The following SDK1 variants were observed in gnomAD, a reference collection of about 807,000 sequenced individuals.
SDK1 encodes protein sidekick-1.
Under a neutral mutation model 245.5 loss-of-function variants are expected in SDK1, and 157 were observed. The ratio of observed to expected loss-of-function variants is 0.64; its 90% confidence interval spans 0.56 to 0.73. The LOEUF is 0.73. Among genes scored for constraint, SDK1 ranks in the 30% least tolerant of loss-of-function variants. The pLI is 0.00. For synonymous variants in SDK1, 1,647 were observed against 1,278.5 expected, an observed-to-expected ratio of 1.29 and a Z score of -6.15; for missense variants, 3,583 against 3,002.3, an observed-to-expected ratio of 1.19 and a Z score of -4.52.
At chr7:3,500,459 A>C (rs1782161745) in intron 1 of SDK1, among the ~76,000 whole-genome samples, 1 of 152,178 alleles carries the variant, frequency 6.6e-6, no homozygotes, top group South Asian at 2.1e-4. Flanking sequence ...CACTTATTTG[A>C]AAGTATTGCT....
At chr7:3,575,723 A>C (rs1780265657) in intron 1 of SDK1, among the ~76,000 whole-genome samples, 2 of 151,792 alleles carry the variant, frequency 1.3e-5, no homozygotes, top group South Asian at 4.2e-4. Flanking sequence ...CAAACTCTTC[A>C]TTTTTTTTGT....
At position 4,266,399 on chromosome 7, in the gene SDK1, CTG is replaced by C; in HGVS notation, c.*1016_*1017del. The C allele has an allele frequency of 1.0e-6, 1 of 985,342 alleles. No homozygotes were observed. The highest frequency in any genetic ancestry group is 1.2e-6 in the Non-Finnish European group (1 of 829,930). 61.0% of individuals were successfully genotyped at this position (985,342 alleles called of 1,614,324 possible). A position where few individuals can be genotyped will look rare whatever the true frequency, so the allele number is the denominator to read the frequency against. ...TGTCTGCAAATAAAGCAAAACAGCT[CTG>C]AGAACACACGCTCCCGACTCGCCTC... On this transcript the variant is annotated 3_prime_UTR_variant, in exon 45 of 45. Coordinates refer to ENST00000404826, the MANE Select transcript of SDK1 (RefSeq NM_152744.4).
intron 30 of SDK1, among the ~76,000 whole-genome samples, chr7:4,153,122 A>G (rs1202087068): frequency 6.6e-6 from 1 of 151,880 alleles, no homozygotes; most frequent in East Asian, 1.9e-4. Context: ...CTGTCGTGGG[A>G]TAGGTGCGGG....
At chr7:4,078,848 A>G (rs1780870856) in intron 21 of SDK1, among the ~76,000 whole-genome samples, 1 of 152,134 alleles carries the variant, frequency 6.6e-6, no homozygotes, top group South Asian at 2.1e-4. Flanking sequence ...TTGCCTGAGC[A>G]ACTGAATAGA....
intron 5 of SDK1, among the ~76,000 whole-genome samples, chr7:3,905,516 G>A (rs904682532): frequency 6.6e-6 from 1 of 151,968 alleles, no homozygotes; most frequent in Non-Finnish European, 1.5e-5. Flanking sequence ...ATGGTTTTTA[G>A]GGTTGTTTTT....
At chr7:3,453,521 G>C (rs1014426317) in intron 1 of SDK1, among the ~76,000 whole-genome samples, 1 of 152,152 alleles carries the variant, frequency 6.6e-6, no homozygotes, top group Non-Finnish European at 1.5e-5. Flanking sequence ...GAGACACAGA[G>C]GGAGGGGAAG....
chr7:3,945,618 G>A (rs1004863216), intron 5 of SDK1, among the ~76,000 whole-genome samples: 6 of 152,104 alleles, frequency 3.9e-5, no homozygotes, highest in African/African-American at 2.4e-5. Flanking sequence ...GTTGAGGGCC[G>A]GGCTTGGTGG....
At chr7:3,667,622 C>A (rs988359633) in intron 4 of SDK1, among the ~76,000 whole-genome samples, 8 of 152,226 alleles carry the variant, frequency 5.3e-5, no homozygotes, top group African/African-American at 1.9e-4. Flanking sequence ...CACCAGGAGA[C>A]CCTGGCAGTC....
chr7:4,146,273 C>T (rs891394902), intron 29 of SDK1, among the ~76,000 whole-genome samples: 16 of 151,626 alleles, frequency 1.1e-4, no homozygotes, highest in Non-Finnish European at 2.1e-4. Context: ...TTCAGCCTCA[C>T]ACCTGCTCTC....
chr7:4,235,836 G>A (rs1175833570), intron 41 of SDK1, among the ~76,000 whole-genome samples: 7 of 152,220 alleles, frequency 4.6e-5, no homozygotes, highest in Non-Finnish European at 1.0e-4. Flanking sequence ...GCTGGCGTCA[G>A]GACCGGGCCA....
chr7:3,825,148 G>C (rs371600639), intron 5 of SDK1, among the ~76,000 whole-genome samples: 6 of 152,154 alleles, frequency 3.9e-5, no homozygotes, highest in Non-Finnish European at 8.8e-5. Context: ...AGAAAAAGAA[G>C]GGTTTGGGCC....
intron 2 of SDK1, among the ~76,000 whole-genome samples, chr7:3,623,793 T>C (rs1782024370): frequency 1.3e-5 from 2 of 152,200 alleles, no homozygotes; most frequent in Non-Finnish European, 2.9e-5. Context: ...ATATTTATTA[T>C]TGTAACAGAA....
chr7:3,601,466 G>A (rs898789438), intron 1 of SDK1, among the ~76,000 whole-genome samples: 2 of 151,876 alleles, frequency 1.3e-5, no homozygotes, highest in Non-Finnish European at 2.9e-5. Context: ...AGTTTTCTAG[G>A]AATGGGTTTC....
chr7:4,237,851 C>T (rs1045574629), intron 42 of SDK1, 67 bp downstream of exon 42: 3 of 1,567,414 alleles, frequency 1.9e-6, no homozygotes, highest in Non-Finnish European at 2.6e-6. Context: ...CGTTCGTTCT[C>T]TCGTGGATCT....
intron 2 of SDK1, among the ~76,000 whole-genome samples, chr7:3,622,201 G>A (rs575811590): frequency 1.3e-5 from 2 of 152,100 alleles, no homozygotes; most frequent in African/African-American, 2.4e-5. Flanking sequence ...TTGTAGGCCC[G>A]GCGCAGTGGC....
rs375367373 is a variant in SDK1, at chr7:3,723,924, GTA to G, written c.713+81838_713+81839del. Reference sequence around the variant, plus strand: ...TATACACGTACATATATATATACACGTATATATATATATATATATAGAGAGAG... The same window carrying G: ...TATACACGTACATATATATATACACGTATATATATATATATATAGAGAGAG... On this transcript the variant is annotated intron_variant, in intron 4 of 44. Transcript: ENST00000404826. Among the ~76,000 whole-genome samples, 613 of 65,272 alleles carry G rather than the reference GTA, an allele frequency of 9.4e-3. 25 individuals carry two copies. Among genetic ancestry groups the G allele is most frequent in the East Asian group, 0.021 (58 of 2,760 alleles). 42.8% of individuals were successfully genotyped at this position (65,272 alleles called of 152,430 possible).
At chr7:3,741,652 A>G (rs1200745306) in intron 4 of SDK1, among the ~76,000 whole-genome samples, 1 of 152,168 alleles carries the variant, frequency 6.6e-6, no homozygotes, top group Non-Finnish European at 1.5e-5. Flanking sequence ...CTAGGAGTGT[A>G]TCATTTACAT....
At position 3,864,514 on chromosome 7, in the gene SDK1, C is replaced by T. The variant is rs892343424; in HGVS notation, c.847+42931C>T. On this transcript the variant is annotated intron_variant, in intron 5 of 44. Transcript: ENST00000404826. ...AAATATTGTCTTTATAACTAATACA[C>T]GGATATTAGAGATGTGGCTAATATC... Among the ~76,000 whole-genome samples, 6 of 152,284 alleles carry T rather than the reference C, an allele frequency of 3.9e-5. No homozygotes were observed. The East Asian group carries it at 5.8e-4, about 15-fold the overall frequency.
chr7:3,892,842 A>T (rs2128102419), intron 5 of SDK1, among the ~76,000 whole-genome samples: 1 of 152,248 alleles, frequency 6.6e-6, no homozygotes, highest in Non-Finnish European at 1.5e-5. Context: ...GCAGCAAGCC[A>T]CTTTCCCTCT....
Sources: allele counts gnomAD v4.1 joint callset (sites outside exome capture counted in the v4.1 genomes callset), GRCh38; gene constraint gnomAD v4.1.1; transcripts MANE v1.5; gene names NCBI Gene and HGNC (gene_info 2026-07-23, HGNC 2026-07-21).